The following NCK2 variants were observed in gnomAD, a reference collection of about 807,000 sequenced individuals.
The protein encoded by NCK2 is cytoplasmic protein NCK2.
A neutral mutation model predicts 33.9 loss-of-function variants in NCK2; 16 were observed. The ratio of observed to expected loss-of-function variants is 0.47; its 90% CI spans 0.32 to 0.72. The LOEUF is 0.72. Ranked by LOEUF, NCK2 falls within the 30% of genes least tolerant of loss-of-function variation. The probability of loss-of-function intolerance (pLI) is 0.03; values close to 1 mark genes in which losing one functional copy is unlikely to be tolerated. For missense variants in NCK2, 418 were observed against 537.3 expected, an observed-to-expected ratio of 0.78 and a Z score of 2.19; for synonymous variants, 273 against 239.9, an observed-to-expected ratio of 1.14 and a Z score of -1.27.
chr2:105,807,923 CT>C (rs991749122), intron 1 of NCK2, among the ~76,000 whole-genome samples: 33 of 145,694 alleles, frequency 2.3e-4, no homozygotes, highest in Admixed American at 1.1e-3. Flanking sequence ...CTCTCTGTCT[CT>C]GATGAAGTCT....
intron 1 of NCK2, among the ~76,000 whole-genome samples, chr2:105,777,942 G>C (rs1690366955): frequency 6.6e-6 from 1 of 152,208 alleles, no homozygotes; most frequent in African/African-American, 2.4e-5. Context: ...GCCTTTGCCT[G>C]TCTTCTTGTC....
At chr2:105,796,054 A>G (rs938439257) in intron 1 of NCK2, among the ~76,000 whole-genome samples, 2 of 152,240 alleles carry the variant, frequency 1.3e-5, no homozygotes, top group African/African-American at 4.8e-5. Flanking sequence ...GTGCAGTCAA[A>G]CTTTTTTTGG....
At chr2:105,800,687 T>C (rs1179699393) in intron 1 of NCK2, among the ~76,000 whole-genome samples, 1 of 152,184 alleles carries the variant, frequency 6.6e-6, no homozygotes, top group Non-Finnish European at 1.5e-5. Context: ...GGTTTGGTGC[T>C]TGGTTTCTGA....
At chr2:105,840,280 A>T (rs1676592490) in intron 2 of NCK2, among the ~76,000 whole-genome samples, 1 of 152,176 alleles carries the variant, frequency 6.6e-6, no homozygotes, top group Admixed American at 6.5e-5. Context: ...ACGGAGGAGG[A>T]CAGGCCTCAG....
chr2:105,761,462 G>A (rs529266260), intron 1 of NCK2, among the ~76,000 whole-genome samples: 1 of 152,160 alleles, frequency 6.6e-6, no homozygotes, highest in African/African-American at 2.4e-5. Context: ...AAGGCCAGGT[G>A]GGGGGACACT....
intron 1 of NCK2, among the ~76,000 whole-genome samples, chr2:105,806,825 A>G (rs955470405): frequency 1.4e-5 from 2 of 144,758 alleles, no homozygotes; most frequent in African/African-American, 5.0e-5. Context: ...GTTACCAGTA[A>G]TTTACAAAAT....
intron 4 of NCK2, among the ~76,000 whole-genome samples, chr2:105,886,297 T>A (rs1265332000): frequency 1.3e-5 from 2 of 152,238 alleles, no homozygotes; most frequent in Non-Finnish European, 2.9e-5. Context: ...TATCTGGAAG[T>A]TTAGTGCTCA....
At chr2:105,816,030 G>C (rs998794115) in intron 1 of NCK2, among the ~76,000 whole-genome samples, 2 of 151,648 alleles carry the variant, frequency 1.3e-5, no homozygotes, top group African/African-American at 4.8e-5. Context: ...TCCCCAACCC[G>C]AGTGTCGGAG....
chr2:105,774,228 C>T (rs1031576290), intron 1 of NCK2, among the ~76,000 whole-genome samples: 3 of 151,952 alleles, frequency 2.0e-5, no homozygotes, highest in African/African-American at 4.8e-5. Context: ...AGGCTGGTCT[C>T]GAACTCCTGA....
intron 1 of NCK2, among the ~76,000 whole-genome samples, chr2:105,753,521 G>A (rs949074942): frequency 7.9e-5 from 12 of 152,192 alleles, no homozygotes; most frequent in Non-Finnish European, 5.9e-5. Flanking sequence ...TAGCTCAAGT[G>A]GTCATGCAGG....
chr2:105,791,297 G>T (rs1291285736), intron 1 of NCK2, among the ~76,000 whole-genome samples: 11 of 152,180 alleles, frequency 7.2e-5, no homozygotes. Flanking sequence ...ACACTGATAA[G>T]AAACTGGTCA....
intron 4 of NCK2, among the ~76,000 whole-genome samples, chr2:105,882,440 C>A (rs1179147768): frequency 6.6e-6 from 1 of 152,198 alleles, no homozygotes; most frequent in East Asian, 1.9e-4. Context: ...GCATTCTTTG[C>A]AAGACTGGTG....
chr2:105,811,834 G>A (rs1217061638), intron 1 of NCK2, among the ~76,000 whole-genome samples: 1 of 152,166 alleles, frequency 6.6e-6, no homozygotes, highest in Non-Finnish European at 1.5e-5. Flanking sequence ...CCCTAGTACA[G>A]TTAATAGGGG....
chr2:105,882,835 G>A (rs546711698), intron 4 of NCK2, among the ~76,000 whole-genome samples: 19 of 152,324 alleles, frequency 1.2e-4, no homozygotes, highest in African/African-American at 4.6e-4. Context: ...TCCAAAACAA[G>A]CATTTAGGAG....
chr2:105,832,374 GA>G (rs1435315460), intron 2 of NCK2, among the ~76,000 whole-genome samples: 1 of 152,152 alleles, frequency 6.6e-6, no homozygotes, highest in Non-Finnish European at 1.5e-5. Flanking sequence ...TAAGAGTCGT[GA>G]AGGAATAGGC....
chr2:105,792,840 C>A (rs989102914), intron 1 of NCK2, among the ~76,000 whole-genome samples: 2 of 152,146 alleles, frequency 1.3e-5, no homozygotes, highest in Non-Finnish European at 2.9e-5. Flanking sequence ...GTGGCCTCCA[C>A]CTGTAATGCA....
At chr2:105,799,535 A>G (rs2104443405) in intron 1 of NCK2, among the ~76,000 whole-genome samples, 1 of 152,178 alleles carries the variant, frequency 6.6e-6, no homozygotes, top group South Asian at 2.1e-4. Context: ...TCTGTTTCCC[A>G]TGTTCCTGCT....
chr2:105,767,681 C>A (rs1040044873), intron 1 of NCK2, among the ~76,000 whole-genome samples: 3 of 152,186 alleles, frequency 2.0e-5, no homozygotes, highest in African/African-American at 7.2e-5. Context: ...AGAACCGCAG[C>A]CCCTAGTGTG....
chr2:105,748,931 T>C (rs1423742326), intron 1 of NCK2, among the ~76,000 whole-genome samples: 1 of 152,196 alleles, frequency 6.6e-6, no homozygotes, highest in East Asian at 1.9e-4. Flanking sequence ...AGAACTTCTG[T>C]CTACTGTGGA....
Sources: allele counts gnomAD v4.1 joint callset (sites outside exome capture counted in the v4.1 genomes callset), GRCh38; gene constraint gnomAD v4.1.1; transcripts MANE v1.5; gene names NCBI Gene and HGNC (gene_info 2026-07-23, HGNC 2026-07-21).